The following KMT2C variants were observed in gnomAD, a reference collection of about 807,000 sequenced individuals.
The protein encoded by KMT2C is histone-lysine N-methyltransferase 2C.
KMT2C carries 88 observed loss-of-function variants against 507.9 expected under a neutral mutation model. The observed-to-expected ratio is 0.17, with a 90% CI of 0.15 to 0.21. The LOEUF is 0.21. Ranked by LOEUF, KMT2C falls within the 10% of genes least tolerant of loss-of-function variation. The pLI is 1.00. For missense variants in KMT2C, 4,954 were observed against 5,957.8 expected (o/e 0.83, Z 5.55); for synonymous variants, 2,049 against 2,080.8 (o/e 0.98, Z 0.42).
intron 1 of KMT2C, among the ~76,000 whole-genome samples, chr7:152,359,511 T>A (rs1008508575): frequency 6.6e-6 from 1 of 152,180 alleles, no homozygotes; most frequent in Non-Finnish European, 1.5e-5. Context: ...GGCTCACACC[T>A]GTAACCCCAG....
chr7:152,146,854 C>CAATAATCTAATAAATCTGTTTGGT (rs2091152695), intron 52 of KMT2C, 119 bp from the exon 53 acceptor site: 1 of 900,018 alleles, frequency 1.1e-6, no homozygotes, highest in South Asian at 1.8e-5. Flanking sequence ...TCCTGTTGGG[C>CAATAATCTAATAAATCTGTTTGGT]AATAATCTAA....
chr7:152,167,980 G>C (rs972416188), intron 41 of KMT2C, among the ~76,000 whole-genome samples: 2 of 152,104 alleles, frequency 1.3e-5, no homozygotes, highest in Non-Finnish European at 2.9e-5. Context: ...TTATTCTGTA[G>C]TTATATTTTT....
chr7:152,214,182 TACC>T (rs2094518850), intron 23 of KMT2C, among the ~76,000 whole-genome samples: 1 of 150,002 alleles, frequency 6.7e-6, no homozygotes, highest in Non-Finnish European at 1.5e-5. Flanking sequence ...AAAAAAAAAC[TACC>T]ACCATAAGAT....
rs778730150 is a variant in KMT2C, at chr7:152,181,096, T to A, written c.6764A>T (p.Gln2255Leu). ...GCCAGGTAAAGCTGGTCCTCGGTTT[T>A]GTGCTGCTTGCAGGAAAGGATCCTG... ...PNQDPFLQAA[Q>L]NRGPALPGPL... The change falls in exon 36 of 59, where the codon CAA becomes CTA. Residue 2255 changes from glutamine to leucine, a missense_variant. Physicochemically the swap from Gln to Leu is moderately radical, Grantham distance 113. Coordinates refer to ENST00000262189, the MANE Select transcript of KMT2C (RefSeq NM_170606.3). 6.2e-7 allele frequency: 1 copy of A among 1,614,202 alleles called. No individual in the cohort carries two copies. Among genetic ancestry groups the A allele is most frequent in the Admixed American group, 1.7e-5 (1 of 60,026 alleles).
intron 14 of KMT2C, among the ~76,000 whole-genome samples, chr7:152,246,170 C>T (rs1459341719): frequency 2.6e-5 from 4 of 152,194 alleles, no homozygotes; most frequent in African/African-American, 9.6e-5. Context: ...TCAATTCATA[C>T]TCTCCCTAAT....
At chr7:152,347,100 GGA>G (rs2097067423) in intron 2 of KMT2C, among the ~76,000 whole-genome samples, 1 of 152,066 alleles carries the variant, frequency 6.6e-6, no homozygotes, top group Admixed American at 6.5e-5. Context: ...CTCCAGCCAG[GGA>G]GACAAGGAAA....
intron 26 of KMT2C, among the ~76,000 whole-genome samples, chr7:152,202,615 G>A (rs1283820762): frequency 6.6e-6 from 1 of 152,120 alleles, no homozygotes; most frequent in Non-Finnish European, 1.5e-5. Flanking sequence ...CAGAACTTGG[G>A]TGTGGGGTAT....
chr7:152,180,950 T>C lies in KMT2C; in HGVS notation c.6910A>G (p.Met2304Val), dbSNP rs754015217. ...GAGTCAGACTGAGATCTTGGAGTCA[T>C]TGGAGACTGATCATAGGGATCACGG... Reference protein sequence around the residue: ...AARDPYDQSPMTPRSQSDSFG... With the variant: ...AARDPYDQSPVTPRSQSDSFG... Residue 2304 changes from methionine to valine, a missense_variant, in exon 36 of 59, where the codon ATG becomes GTG. Met to Val is a conservative substitution (Grantham distance 21). Around this residue, in one of 29 missense-constraint regions of KMT2C, gnomAD observed 1,689 missense variants for 1,654.3 expected, o/e 1.02. Transcript: ENST00000262189. The C allele has an allele frequency of 6.6e-5, 107 of 1,613,992 alleles. No homozygotes were observed. The highest frequency in any genetic ancestry group is 1.6e-4 in the Middle Eastern group (1 of 6,084).
chr7:152,195,601 T>C (rs2093938212), intron 28 of KMT2C: 1 of 949,466 alleles, frequency 1.1e-6, no homozygotes, highest in South Asian at 4.9e-5. Flanking sequence ...AAATGGATGA[T>C]TACCACAGGA....
intron 27 of KMT2C, 37 bp downstream of exon 27, chr7:152,199,242 T>C (rs986614939): frequency 2.0e-6 from 3 of 1,495,090 alleles, no homozygotes; most frequent in East Asian, 2.4e-5. Context: ...GTATGTTATA[T>C]GATATAAAGA....
At position 152,386,466 on chromosome 7, in the gene KMT2C, G is replaced by A. The variant is rs866767171; in HGVS notation, c.162-27791C>T. Among the ~76,000 whole-genome samples, 8 of 152,272 alleles carry A rather than the reference G, an allele frequency of 5.3e-5. No individual in the cohort carries two copies. The South Asian group carries it at 6.2e-4, about 12-fold the overall frequency. On this transcript the variant is annotated intron_variant, in intron 1 of 58. Coordinates refer to ENST00000262189, the MANE Select transcript of KMT2C (RefSeq NM_170606.3). Reference sequence around the variant, plus strand: ...GCAAAAACTGGCTATTTACCAAAGCGTTTCCTTTTCCTCCTGGCATATGGC... The same window carrying A: ...GCAAAAACTGGCTATTTACCAAAGCATTTCCTTTTCCTCCTGGCATATGGC...
At position 152,162,105 on chromosome 7, in the gene KMT2C, AT is replaced by A; in HGVS notation, c.11460+11del. The A allele has an allele frequency of 6.6e-7, 1 of 1,522,892 alleles. No individual in the cohort carries two copies. The highest frequency in any genetic ancestry group is 1.4e-5 in the South Asian group (1 of 73,664). The allele number at this position is 1,522,892 out of a possible 1,614,324, so 94.3% of individuals were successfully genotyped here. A position where few individuals can be genotyped will look rare whatever the true frequency, so the allele number is the denominator to read the frequency against. ...AAAGAAAAAAGTTGTCGTTTTTATGATTTACACTTACCAGTCCTTCAGCTGG... is the reference window on the plus strand; with the variant it reads ...AAAGAAAAAAGTTGTCGTTTTTATGATTACACTTACCAGTCCTTCAGCTGG... On this transcript the variant is annotated intron_variant, in intron 43 of 58. Coordinates refer to ENST00000262189, the MANE Select transcript of KMT2C (RefSeq NM_170606.3).
chr7:152,303,564 C>T (rs1344778914), intron 6 of KMT2C, among the ~76,000 whole-genome samples: 1 of 152,220 alleles, frequency 6.6e-6, no homozygotes, highest in Non-Finnish European at 1.5e-5. Context: ...AGCAAAACAG[C>T]TATTTTCCTC....
intron 1 of KMT2C, among the ~76,000 whole-genome samples, chr7:152,383,351 G>A (rs1308255129): frequency 6.6e-6 from 1 of 152,054 alleles, no homozygotes; most frequent in Non-Finnish European, 1.5e-5. Flanking sequence ...CATTATCTGT[G>A]GGAAAAGCAT....
chr7:152,210,713 T>C (rs1237317394), intron 23 of KMT2C, among the ~76,000 whole-genome samples: 1 of 151,508 alleles, frequency 6.6e-6, no homozygotes, highest in African/African-American at 2.4e-5. Flanking sequence ...ATTAACAGAC[T>C]AAGTAGGAAG....
intron 44 of KMT2C, among the ~76,000 whole-genome samples, 172 bp from the exon 45 acceptor site, chr7:152,156,518 G>A (rs566609081): frequency 1.5e-4 from 23 of 152,300 alleles, no homozygotes; most frequent in Admixed American, 1.4e-3. Flanking sequence ...AGGCTTCTTA[G>A]TGGAACAGAT....
intron 9 of KMT2C, among the ~76,000 whole-genome samples, chr7:152,256,096 C>T (rs553141845): frequency 2.0e-5 from 3 of 151,930 alleles, no homozygotes; most frequent in Middle Eastern, 3.2e-3. Context: ...CTTGAACCCG[C>T]GAGGGGGAGG....
intron 58 of KMT2C, chr7:152,137,861 G>A (rs771664448): frequency 7.2e-5 from 11 of 152,166 alleles, no homozygotes; most frequent in Non-Finnish European, 5.9e-5. Context: ...CCCACACACT[G>A]TCTTATTTAC....
intron 1 of KMT2C, among the ~76,000 whole-genome samples, chr7:152,374,662 G>A (rs1295090178): frequency 6.6e-6 from 1 of 152,032 alleles, no homozygotes; most frequent in Admixed American, 6.6e-5. Flanking sequence ...ACTTTGGGAA[G>A]CCAAGGTGGG....
Sources: allele counts gnomAD v4.1 joint callset (sites outside exome capture counted in the v4.1 genomes callset), GRCh38; gene constraint gnomAD v4.1.1; regional missense constraint gnomAD v4.1.1; transcripts MANE v1.5; gene names NCBI Gene and HGNC (gene_info 2026-07-23, HGNC 2026-07-21).